The following ZNF610 variants were observed in gnomAD, a reference collection of about 807,000 sequenced individuals.
The protein encoded by ZNF610 is zinc finger protein 610.
ZNF610 carries 14 observed loss-of-function variants against 14.1 expected under a neutral mutation model. The observed-to-expected ratio is 0.99, with a 90% CI of 0.65 to 1.55. The LOEUF (loss-of-function observed/expected upper bound fraction) is 1.55, where lower values mean the gene tolerates loss of function less well. Among genes scored for constraint, ZNF610 ranks in the 40% most tolerant of loss-of-function variants. The probability of loss-of-function intolerance (pLI) is 0.00; values close to 1 mark genes in which losing one functional copy is unlikely to be tolerated. For synonymous variants in ZNF610, 185 were observed against 187.6 expected (o/e 0.99, Z 0.11); for missense variants, 530 against 558.0 (o/e 0.95, Z 0.51).
intron 1 of ZNF610, among the ~76,000 whole-genome samples, chr19:52,338,902 C>G (rs566134140): frequency 1.5e-4 from 22 of 146,172 alleles, no homozygotes; most frequent in Non-Finnish European, 3.2e-4. Flanking sequence ...AGGGGACCGG[C>G]GCTCAGCATA....
intron 1 of ZNF610, among the ~76,000 whole-genome samples, chr19:52,338,926 CCGGCCCGGT>C (rs1202466072): frequency 6.7e-6 from 1 of 149,682 alleles, no homozygotes; most frequent in Non-Finnish European, 1.5e-5. Flanking sequence ...AGGACCCGCG[CCGGCCCGGT>C]CTCTGAGTTC....
chr19:52,349,349 C>G lies in ZNF610; in HGVS notation c.63+114C>G, dbSNP rs757404438. 14 of 1,372,232 alleles carry G rather than the reference C, an allele frequency of 1.0e-5. No homozygotes were observed. In the South Asian group the frequency reaches 1.7e-4, roughly 16 times the overall value. The allele number at this position is 1,372,232 out of a possible 1,614,324, so 85.0% of individuals were successfully genotyped here. A position where few individuals can be genotyped will look rare whatever the true frequency, so the allele number is the denominator to read the frequency against. Reference sequence around the variant, plus strand: ...CATGCCTTCCCTCAGTCCCTTTCATCTCGCTTAGATTCTATCTCTCGTGAC... The same window carrying G: ...CATGCCTTCCCTCAGTCCCTTTCATGTCGCTTAGATTCTATCTCTCGTGAC... On this transcript the variant is annotated intron_variant, in intron 3 of 5. Coordinates refer to ENST00000403906, the MANE Select transcript of ZNF610 (RefSeq NM_001161425.2).
chr19:52,356,809 G>A (rs763403752), intron 5 of ZNF610, among the ~76,000 whole-genome samples: 1 of 152,096 alleles, frequency 6.6e-6, no homozygotes, highest in Non-Finnish European at 1.5e-5. Flanking sequence ...ACACTGACTT[G>A]CCGTAATTTG....
chr19:52,334,383 C>T (rs555202500), upstream of ZNF610, among the ~76,000 whole-genome samples: 15 of 152,194 alleles, frequency 9.9e-5, no homozygotes, highest in Admixed American at 2.6e-4. Flanking sequence ...CATGGTGGCA[C>T]GTGCCTGTAG....
chr19:52,361,179 C>CTTTTTT (rs199515927), intron 5 of ZNF610, among the ~76,000 whole-genome samples: 1 of 140,736 alleles, frequency 7.1e-6, no homozygotes, highest in Non-Finnish European at 1.6e-5. Flanking sequence ...ATCTCATTTT[C>CTTTTTT]TTTTTTTTTT....
At chr19:52,352,245 AT>A (rs1362477890) in intron 3 of ZNF610, among the ~76,000 whole-genome samples, 1 of 151,030 alleles carries the variant, frequency 6.6e-6, no homozygotes, top group Non-Finnish European at 1.5e-5. Flanking sequence ...TTCTTTTTTT[AT>A]TTTTTTTGAG....
At chr19:52,334,041 T>A (rs2122150233), upstream of ZNF610, among the ~76,000 whole-genome samples, 1 of 152,302 alleles carries the variant, frequency 6.6e-6, no homozygotes, top group South Asian at 2.1e-4. Flanking sequence ...GAATAAATTA[T>A]GAATAAGTTG....
chr19:52,333,403 C>G (rs1426556956), upstream of ZNF610, among the ~76,000 whole-genome samples: 2 of 152,176 alleles, frequency 1.3e-5, no homozygotes, highest in Non-Finnish European at 2.9e-5. Context: ...CAGGCAAAGC[C>G]TAAGAAAGTA....
chr19:52,358,514 T>C (rs1033197039), intron 5 of ZNF610, among the ~76,000 whole-genome samples: 5 of 152,222 alleles, frequency 3.3e-5, no homozygotes, highest in African/African-American at 4.8e-5. Context: ...GGTTACTGGT[T>C]TTCTGATTTG....
chr19:52,359,963 T>C (rs1985701808), intron 5 of ZNF610, among the ~76,000 whole-genome samples: 1 of 152,164 alleles, frequency 6.6e-6, no homozygotes, highest in South Asian at 2.1e-4. Context: ...ATAAAGGCTA[T>C]TGAAAAGGAT....
upstream of ZNF610, among the ~76,000 whole-genome samples, chr19:52,332,478 A>T (rs1427315070): frequency 1.3e-5 from 2 of 152,168 alleles, no homozygotes; most frequent in African/African-American, 4.8e-5. The surrounding 1 kb of genome is among the most constrained non-coding windows in gnomAD (Gnocchi z 4.1). Flanking sequence ...ATTCTGTGGG[A>T]CAGCAAGCTG....
At chr19:52,339,808 C>G (rs545107339) in intron 1 of ZNF610, among the ~76,000 whole-genome samples, 51 of 152,248 alleles carry the variant, frequency 3.3e-4, no homozygotes, top group African/African-American at 1.2e-3. Context: ...TACAGGTGCC[C>G]GTCACCATGC....
At chr19:52,343,453 A>G (rs943965761) in intron 1 of ZNF610, among the ~76,000 whole-genome samples, 3 of 149,386 alleles carry the variant, frequency 2.0e-5, no homozygotes, top group African/African-American at 7.4e-5. Flanking sequence ...CTGTAATCCC[A>G]GCTACTCCAG....
chr19:52,345,292 T>A (rs1465122446), intron 1 of ZNF610: 1 of 152,218 alleles, frequency 6.6e-6, no homozygotes, highest in Admixed American at 6.5e-5. Context: ...ATGATGGTGG[T>A]TCCGTAAGAT....
intron 5 of ZNF610, among the ~76,000 whole-genome samples, chr19:52,360,216 G>T (rs1462044050): frequency 6.6e-6 from 1 of 152,216 alleles, no homozygotes; most frequent in African/African-American, 2.4e-5. Context: ...TTAGAGTTCT[G>T]CCTTGAGGCA....
intron 1 of ZNF610, among the ~76,000 whole-genome samples, chr19:52,342,786 A>G (rs991752460): frequency 1.3e-5 from 2 of 152,172 alleles, no homozygotes; most frequent in African/African-American, 4.8e-5. Flanking sequence ...TGGCCTCCCA[A>G]AGTGCTGAGA....
intron 3 of ZNF610, among the ~76,000 whole-genome samples, chr19:52,349,978 T>G (rs1417304638): frequency 6.6e-6 from 1 of 152,170 alleles, no homozygotes; most frequent in Non-Finnish European, 1.5e-5. Flanking sequence ...TAAACACCTT[T>G]CCTACTTTCT....
upstream of ZNF610, among the ~76,000 whole-genome samples, chr19:52,334,960 A>ACACACACACCCACACACACACAG (rs59969071): frequency 7.3e-6 from 1 of 136,454 alleles, no homozygotes; most frequent in African/African-American, 2.8e-5. Context: ...CACACACACA[A>ACACACACACCCACACACACACAG]TGTAATTTAC....
intron 1 of ZNF610, among the ~76,000 whole-genome samples, chr19:52,341,264 C>T (rs892014732): frequency 2.0e-5 from 3 of 152,162 alleles, no homozygotes; most frequent in Non-Finnish European, 4.4e-5. Flanking sequence ...TCCATTGCTC[C>T]TGCGACCTGT....
Sources: allele counts gnomAD v4.1 joint callset (sites outside exome capture counted in the v4.1 genomes callset), GRCh38; gene constraint gnomAD v4.1.1; non-coding constraint Gnocchi (gnomAD v3.1); transcripts MANE v1.5; gene names NCBI Gene and HGNC (gene_info 2026-07-23, HGNC 2026-07-21).